TENM2: variants seen among roughly 807,000 people sequenced by gnomAD.
The protein encoded by TENM2 is teneurin-2.
TENM2 carries 52 observed loss-of-function variants against 245.2 expected under a neutral mutation model. The observed-to-expected ratio is 0.21, with a 90% confidence interval of 0.17 to 0.27. The LOEUF (loss-of-function observed/expected upper bound fraction) is 0.27. TENM2 is among the 10% of genes least tolerant of loss of function. The pLI is 1.00. For synonymous variants in TENM2, 1,363 were observed against 1,438.9 expected (o/e 0.95, Z 1.19); for missense variants, 3,046 against 3,666.8 (o/e 0.83, Z 4.37).
chr5:167,573,500 G>GTCTC (rs772318555), intron 2 of TENM2, among the ~76,000 whole-genome samples: 11 of 133,808 alleles, frequency 8.2e-5, no homozygotes, highest in East Asian at 2.3e-4. Context: ...GATGTTCTCT[G>GTCTC]TCTCTCTCTC....
intron 27 of TENM2, among the ~76,000 whole-genome samples, chr5:168,255,958 A>T (rs1476223272): frequency 6.6e-6 from 1 of 151,742 alleles, no homozygotes; most frequent in East Asian, 2.0e-4. Context: ...GGCAGGCGCC[A>T]CCATGCCATG....
intron 13 of TENM2, among the ~76,000 whole-genome samples, chr5:168,181,926 C>T (rs543790639): frequency 6.6e-6 from 1 of 151,970 alleles, no homozygotes; most frequent in East Asian, 1.9e-4. Flanking sequence ...ATCCACCTGC[C>T]TCAGCCGCCC....
intron 3 of TENM2, among the ~76,000 whole-genome samples, chr5:167,929,891 A>G (rs1210582408): frequency 6.6e-6 from 1 of 152,202 alleles, no homozygotes; most frequent in Non-Finnish European, 1.5e-5. Context: ...CATGCAAGAT[A>G]AGAGTTGTTG....
chr5:167,475,928 T>C (rs1767342007), intron 2 of TENM2, among the ~76,000 whole-genome samples: 1 of 152,192 alleles, frequency 6.6e-6, no homozygotes, highest in Non-Finnish European at 1.5e-5. Context: ...TTCCAAGTCT[T>C]TGTATTGTAA....
intron 2 of TENM2, among the ~76,000 whole-genome samples, chr5:167,868,957 T>C (rs148253508): frequency 3.5e-4 from 53 of 152,228 alleles, no homozygotes; most frequent in East Asian, 1.9e-3. Flanking sequence ...GGGCTCTACA[T>C]ATAACATCTC....
chr5:168,125,041 T>A (rs764387295), exon 11 of TENM2: 1 of 1,606,698 alleles, frequency 6.2e-7, no homozygotes, highest in Non-Finnish European at 8.5e-7. Context: ...GGGTCCCGAC[T>A]GCTCTGTTGG....
intron 3 of TENM2, among the ~76,000 whole-genome samples, chr5:167,932,026 A>C (rs1778327629): frequency 6.6e-6 from 1 of 152,220 alleles, no homozygotes; most frequent in Non-Finnish European, 1.5e-5. Context: ...GAGAAGAAAA[A>C]AGATATGTTT....
At chr5:168,134,698 A>C (rs1472236279) in intron 12 of TENM2, among the ~76,000 whole-genome samples, 2 of 152,166 alleles carry the variant, frequency 1.3e-5, no homozygotes, top group African/African-American at 4.8e-5. Flanking sequence ...AAAAGAAAAA[A>C]AAATTCTCAT....
At chr5:167,663,248 G>A (rs1023689267) in intron 2 of TENM2, among the ~76,000 whole-genome samples, 4 of 151,152 alleles carry the variant, frequency 2.6e-5, no homozygotes, top group African/African-American at 9.7e-5. Flanking sequence ...TCTGGGTAAG[G>A]ACCACTACAC....
At chr5:168,136,596 T>C (rs1426071749) in intron 12 of TENM2, among the ~76,000 whole-genome samples, 4 of 152,170 alleles carry the variant, frequency 2.6e-5, no homozygotes, top group African/African-American at 9.6e-5. Flanking sequence ...CAAAGTTCCT[T>C]TGAGAAGACA....
At chr5:168,127,718 G>A (rs1795955547) in intron 12 of TENM2, among the ~76,000 whole-genome samples, 1 of 152,162 alleles carries the variant, frequency 6.6e-6, no homozygotes. Context: ...ACATCTCTCA[G>A]ACAGTTGGGA....
At chr5:167,927,566 C>T (rs983973615) in intron 3 of TENM2, among the ~76,000 whole-genome samples, 3 of 152,104 alleles carry the variant, frequency 2.0e-5, no homozygotes, top group African/African-American at 4.8e-5. Context: ...AGAAGGCTTC[C>T]TTGTGTGTGC....
At chr5:167,275,261 C>T in the TENM2 span, among the ~76,000 whole-genome samples, 1 of 152,044 alleles carries the variant, frequency 6.6e-6, no homozygotes, top group Non-Finnish European at 1.5e-5. Flanking sequence ...GTATTGATTC[C>T]TGTGGCTCTA....
chr5:167,593,572 C>CT (rs1776016554), intron 2 of TENM2, among the ~76,000 whole-genome samples: 2 of 152,212 alleles, frequency 1.3e-5, no homozygotes, highest in Non-Finnish European at 2.9e-5. Flanking sequence ...AATCTGTGTC[C>CT]ATTGCTCTAG....
chr5:168,086,373 C>G (rs1792458458), intron 7 of TENM2, among the ~76,000 whole-genome samples: 2 of 152,186 alleles, frequency 1.3e-5, no homozygotes, highest in Admixed American at 1.3e-4. Flanking sequence ...CTCTCGAGCT[C>G]TCGTAAAAGT....
the TENM2 span, among the ~76,000 whole-genome samples, chr5:167,100,838 C>G: frequency 6.6e-6 from 1 of 152,228 alleles, no homozygotes; most frequent in African/African-American, 2.4e-5. Context: ...ATTTTGATGA[C>G]TCAGAATCTG....
At chr5:168,253,532 T>A (rs183094409) in intron 27 of TENM2, among the ~76,000 whole-genome samples, 1,652 of 151,428 alleles carry the variant, frequency 0.011, 20 homozygotes, top group Non-Finnish European at 0.019. Context: ...TTCACACCAT[T>A]CTCCTGCCTC....
the TENM2 span, among the ~76,000 whole-genome samples, chr5:167,071,466 G>T: frequency 6.6e-6 from 1 of 152,112 alleles, no homozygotes; most frequent in East Asian, 1.9e-4. Context: ...TTGCCAAGTT[G>T]AAGACTTGAA....
chr5:167,889,406 G>A lies in TENM2; in HGVS notation c.712+13211G>A, dbSNP rs138323075. Among the ~76,000 whole-genome samples, 39 of 152,244 alleles carry A rather than the reference G, an allele frequency of 2.6e-4. No homozygotes were observed. In the East Asian group the frequency reaches 6.7e-3, roughly 26 times the overall value. On this transcript the variant is annotated intron_variant, in intron 3 of 28. Transcript: ENST00000518659. ...GTGGCATTCACACTTGACTAGGATC[G>A]CATTTCAATCTGTTCCATCTGATTG...
Sources: allele counts gnomAD v4.1 joint callset (sites outside exome capture counted in the v4.1 genomes callset), GRCh38; gene constraint gnomAD v4.1.1; transcripts MANE v1.5; gene names NCBI Gene and HGNC (gene_info 2026-07-23, HGNC 2026-07-21).